Variants in NECTIN3 observed in about 807,000 individuals in gnomAD.
NECTIN3 encodes the protein nectin-3.
Under a neutral mutation model 49.4 loss-of-function variants are expected in NECTIN3, and 8 were observed. The observed-to-expected ratio is 0.16, with a 90% confidence interval of 0.10 to 0.29. The LOEUF is 0.29. NECTIN3 is among the 10% of genes least tolerant of loss of function. The pLI, the probability that NECTIN3 is intolerant of heterozygous loss-of-function variation, is 1.00. For missense variants in NECTIN3, 581 were observed against 654.6 expected (o/e 0.89, Z 1.23); for synonymous variants, 277 against 241.1 (o/e 1.15, Z -1.38).
rs915638551 is a variant in NECTIN3, at chr3:111,134,580, C to G, written c.*365C>G. On this transcript the variant is annotated 3_prime_UTR_variant, in exon 6 of 6. Transcript: ENST00000485303. Reference sequence around the variant, plus strand: ...TTGTGTATTAAATGTTTACCTAAGACTATAATCTCAAGTATGATGTTTGTT... The same window carrying G: ...TTGTGTATTAAATGTTTACCTAAGAGTATAATCTCAAGTATGATGTTTGTT... 9.4e-6 allele frequency: 9 copies of G among 952,910 alleles called. No individual in the cohort carries two copies. The South Asian group carries it at 3.9e-4, about 41-fold the overall frequency. 59.0% of individuals were successfully genotyped at this position (952,910 alleles called of 1,614,324 possible).
intron 1 of NECTIN3, among the ~76,000 whole-genome samples, chr3:111,076,528 A>G (rs1274343173): frequency 6.6e-6 from 1 of 152,176 alleles, no homozygotes; most frequent in African/African-American, 2.4e-5. Flanking sequence ...TCTGAGCACC[A>G]TTAATCTGTC....
In NECTIN3 at chr3:111,136,676, A is replaced by T; in HGVS notation, c.*2461A>T. ...TATATATGAAAATTCTACTATCGTG[A>T]AAAAAAATGAATATTTGTACTATTT... On this transcript the variant is annotated 3_prime_UTR_variant, in exon 6 of 6. Coordinates refer to ENST00000485303, the MANE Select transcript of NECTIN3 (RefSeq NM_015480.3). 1 of 905,350 alleles carries T rather than the reference A, an allele frequency of 1.1e-6. No homozygotes were observed. Among genetic ancestry groups the T allele is most frequent in the Non-Finnish European group, 1.3e-6 (1 of 757,578 alleles). 56.1% of individuals were successfully genotyped at this position (905,350 alleles called of 1,614,324 possible).
chr3:111,127,465 C>CTTTTTTT (rs35153084), intron 5 of NECTIN3, among the ~76,000 whole-genome samples: 3 of 101,160 alleles, frequency 3.0e-5, no homozygotes, highest in Non-Finnish European at 4.5e-5. Flanking sequence ...TGCAAACTTT[C>CTTTTTTT]TTTTTTTTTT....
chr3:111,167,236 C>G (rs1042462293), intron 7 of NECTIN3, among the ~76,000 whole-genome samples: 1 of 152,110 alleles, frequency 6.6e-6, no homozygotes, highest in Non-Finnish European at 1.5e-5. Context: ...GGAAATAGTT[C>G]AAGAATAAAG....
chr3:111,185,792 A>G (rs890394923), intron 7 of NECTIN3, among the ~76,000 whole-genome samples: 3 of 152,206 alleles, frequency 2.0e-5, no homozygotes, highest in African/African-American at 7.2e-5. Flanking sequence ...AATCCTAGGT[A>G]TTAATCTCAA....
intron 7 of NECTIN3, among the ~76,000 whole-genome samples, chr3:111,183,593 C>T (rs965217948): frequency 3.9e-5 from 6 of 152,022 alleles, no homozygotes; most frequent in African/African-American, 4.8e-5. Context: ...GGATTACAGG[C>T]GTGAGCCACA....
chr3:111,165,371 TGTCCACATTATG>T (rs1486378630), intron 7 of NECTIN3, among the ~76,000 whole-genome samples: 1 of 152,172 alleles, frequency 6.6e-6, no homozygotes, highest in African/African-American at 2.4e-5. Context: ...TTCTTTTTGC[TGTCCACATTATG>T]GTACCTGAAC....
chr3:111,151,690 A>G (rs181641915), intron 7 of NECTIN3, among the ~76,000 whole-genome samples: 25 of 152,044 alleles, frequency 1.6e-4, no homozygotes, highest in Non-Finnish European at 3.1e-4. Flanking sequence ...ACTGTTAACT[A>G]TCTGAGAAAA....
chr3:111,176,977 C>T (rs1298410760), intron 7 of NECTIN3, among the ~76,000 whole-genome samples: 4 of 152,124 alleles, frequency 2.6e-5, no homozygotes. Flanking sequence ...AACTAAAATA[C>T]ATTCCGTATT....
chr3:111,096,542 C>T (rs2032594050), intron 1 of NECTIN3, among the ~76,000 whole-genome samples: 1 of 152,202 alleles, frequency 6.6e-6, no homozygotes, highest in Non-Finnish European at 1.5e-5. Flanking sequence ...TGTCAGAGAC[C>T]TCTGCAGCAG....
Position 111,173,276 on chromosome 3 carries a change from T to C in NECTIN3, c.1222-19075T>C, listed in dbSNP as rs536068933. Among the ~76,000 whole-genome samples the C allele has an allele frequency of 2.6e-5, 4 of 152,310 alleles. No homozygotes were observed. In the South Asian group the frequency reaches 6.2e-4, roughly 24 times the overall value. On this transcript the variant is annotated intron_variant, in intron 7 of 8. Transcript: ENST00000493615. Reference sequence around the variant, plus strand: ...TGATCTTTTCCTCCAGGTGATAACATTTAGCCCCTCCCATTTTCTTACATC... The same window carrying C: ...TGATCTTTTCCTCCAGGTGATAACACTTAGCCCCTCCCATTTTCTTACATC...
intron 6 of NECTIN3, chr3:111,147,363 C>A (rs1355485451): frequency 7.5e-7 from 1 of 1,334,210 alleles, no homozygotes; most frequent in Non-Finnish European, 1.0e-6. Flanking sequence ...TTTTTTTTTC[C>A]TAAATGTGAC....
chr3:111,096,924 G>A (rs1405041182), intron 1 of NECTIN3, among the ~76,000 whole-genome samples: 2 of 152,192 alleles, frequency 1.3e-5, no homozygotes, highest in Non-Finnish European at 2.9e-5. Context: ...TGTGGGGTGG[G>A]ATCTACCCCA....
intron 1 of NECTIN3, among the ~76,000 whole-genome samples, chr3:111,083,463 A>G (rs891615350): frequency 2.6e-5 from 4 of 152,160 alleles, no homozygotes; most frequent in African/African-American, 2.4e-5. Context: ...AAGACACTAG[A>G]GCTGTTTCTC....
intron 1 of NECTIN3, among the ~76,000 whole-genome samples, chr3:111,101,541 T>C (rs532580437): frequency 7.2e-5 from 11 of 152,274 alleles, no homozygotes; most frequent in African/African-American, 2.6e-4. Context: ...CATAGAAACC[T>C]GTAAACCTTT....
At chr3:111,109,167 C>T (rs915966324) in intron 1 of NECTIN3, among the ~76,000 whole-genome samples, 1 of 152,012 alleles carries the variant, frequency 6.6e-6, no homozygotes, top group African/African-American at 2.4e-5. Context: ...TTAAGGACAC[C>T]AGTCCAATCA....
At chr3:111,173,015 A>G (rs1252628919) in intron 7 of NECTIN3, among the ~76,000 whole-genome samples, 1 of 152,182 alleles carries the variant, frequency 6.6e-6, no homozygotes, top group Admixed American at 6.5e-5. Context: ...TTTCATACAA[A>G]TGCCACATTC....
In NECTIN3 at chr3:111,085,702, T is replaced by A. The variant is rs368689369; in HGVS notation, c.160+13525T>A. On this transcript the variant is annotated intron_variant, in intron 1 of 5. Transcript: ENST00000485303. The stretch of plus-strand genomic sequence containing the variant: ...TCCATGTTGTTGCATGTAGCAGTAT[T>A]TTTTTTTTTTTTACCACTGTACGGT... Among the ~76,000 whole-genome samples the A allele has an allele frequency of 1.7e-3, 239 of 138,674 alleles. 1 individual carries two copies. The highest frequency in any genetic ancestry group is 5.8e-3 in the African/African-American group (233 of 39,870). The allele number at this position is 138,674 out of a possible 152,430, so 91.0% of individuals were successfully genotyped here.
rs1351343732 is a variant in NECTIN3, at chr3:111,072,126, C to T, written c.109C>T (p.Pro37Ser). Reference protein sequence around the residue: ...AGLLLQPPTPPPLLLLLFPLL... With the variant: ...AGLLLQPPTPSPLLLLLFPLL... The stretch of plus-strand genomic sequence containing the variant: ...GCTCCTGCTGCAGCCCCCGACGCCA[C>T]CTCCGCTGCTGCTGCTGCTCTTCCC... Residue 37 changes from proline to serine, a missense_variant, in exon 1 of 6, where the codon CCT becomes TCT. This residue lies in a region of NECTIN3 where 109 missense variants were observed against 69.1 expected (regional missense o/e 1.58). Transcript: ENST00000485303. The T allele has an allele frequency of 7.1e-6, 11 of 1,549,986 alleles. No individual in the cohort carries two copies. Among genetic ancestry groups the T allele is most frequent in the Admixed American group, 2.0e-5 (1 of 50,950 alleles).
Sources: allele counts gnomAD v4.1 joint callset (sites outside exome capture counted in the v4.1 genomes callset), GRCh38; gene constraint gnomAD v4.1.1; regional missense constraint gnomAD v4.1.1; transcripts MANE v1.5; gene names NCBI Gene and HGNC (gene_info 2026-07-23, HGNC 2026-07-21).